Variants in QNG1 observed in about 807,000 individuals in gnomAD.
QNG1 encodes the protein Q-nucleotide N-glycosylase 1.
the QNG1 span, chr9:83,944,708 T>C: frequency 2.9e-6 from 3 of 1,039,076 alleles, no homozygotes; most frequent in South Asian, 4.5e-5. Flanking sequence ...ACTTTTTTTT[T>C]AAAGCAAAGG....
At chr9:83,940,917 C>T in the QNG1 span, among the ~76,000 whole-genome samples, 1 of 152,178 alleles carries the variant, frequency 6.6e-6, no homozygotes, top group East Asian at 1.9e-4. Context: ...AGTGATTAAC[C>T]AGGTTCCTCC....
chr9:83,950,995 C>T, the QNG1 span, among the ~76,000 whole-genome samples: 28 of 152,140 alleles, frequency 1.8e-4, no homozygotes, highest in Admixed American at 1.8e-3. Context: ...AGGCCAAGTG[C>T]GGTAGCTCAT....
chr9:83,956,161 A>G, the QNG1 span: 2 of 1,608,450 alleles, frequency 1.2e-6, no homozygotes, highest in Middle Eastern at 1.6e-4. Context: ...GTATGGCACC[A>G]ACCTTCGTCG....
chr9:83,951,137 G>A, the QNG1 span, among the ~76,000 whole-genome samples: 1 of 152,064 alleles, frequency 6.6e-6, no homozygotes, highest in African/African-American at 2.4e-5. Flanking sequence ...CAGGCATGAT[G>A]GCGGGTGCCT....
At chr9:83,953,704 C>A in the QNG1 span, 1 of 883,828 alleles carries the variant, frequency 1.1e-6, no homozygotes, top group South Asian at 1.5e-5. Context: ...GTCACCCAGG[C>A]TGGAGTGCGG....
chr9:83,951,262 CA>C, the QNG1 span, among the ~76,000 whole-genome samples: 1 of 149,394 alleles, frequency 6.7e-6, no homozygotes, highest in East Asian at 2.0e-4. Context: ...TCTCAAAAAA[CA>C]AAAAACAAAA....
the QNG1 span, among the ~76,000 whole-genome samples, chr9:83,945,276 T>A: frequency 6.6e-6 from 1 of 151,202 alleles, no homozygotes; most frequent in Non-Finnish European, 1.5e-5. Context: ...GTGGCACACA[T>A]CTATGGTCCC....
At chr9:83,949,322 TTTCTAGTTCAA>T in the QNG1 span, among the ~76,000 whole-genome samples, 5 of 152,262 alleles carry the variant, frequency 3.3e-5, no homozygotes, top group East Asian at 9.6e-4. Context: ...GGCAACCAGG[TTTCTAGTTCAA>T]GTCTAGTTTA....
At chr9:83,948,641 G>T in the QNG1 span, among the ~76,000 whole-genome samples, 1 of 152,176 alleles carries the variant, frequency 6.6e-6, no homozygotes, top group Non-Finnish European at 1.5e-5. Flanking sequence ...TGGCGGTTTT[G>T]TCGAATAGAA....
At chr9:83,956,613 C>T in the QNG1 span, 1 of 864,418 alleles carries the variant, frequency 1.2e-6, no homozygotes, top group Non-Finnish European at 1.7e-6. Flanking sequence ...AACAAGGTCC[C>T]GCCCTGCCAG....
chr9:83,941,666 A>G, the QNG1 span, among the ~76,000 whole-genome samples: 2 of 152,180 alleles, frequency 1.3e-5, no homozygotes, highest in Admixed American at 1.3e-4. Context: ...TAATCTCAGC[A>G]CTTTGGGAGG....
the QNG1 span, among the ~76,000 whole-genome samples, chr9:83,945,740 T>TAC: frequency 1.3e-5 from 2 of 151,918 alleles, no homozygotes; most frequent in African/African-American, 4.8e-5. Flanking sequence ...TAGCTGGGAC[T>TAC]ACGGGCGCCG....
the QNG1 span, among the ~76,000 whole-genome samples, chr9:83,953,095 CCT>C: frequency 6.6e-6 from 1 of 151,596 alleles, no homozygotes; most frequent in Admixed American, 6.6e-5. Flanking sequence ...ATGGTGAAAC[CCT>C]GTTTCTACTA....
At chr9:83,946,086 C>T in the QNG1 span, among the ~76,000 whole-genome samples, 4 of 151,986 alleles carry the variant, frequency 2.6e-5, no homozygotes, top group East Asian at 7.8e-4. Context: ...ACAGGAGGAT[C>T]ACGAGGTCAG....
At chr9:83,956,579 C>G in the QNG1 span, 1 of 1,240,350 alleles carries the variant, frequency 8.1e-7, no homozygotes, top group Non-Finnish European at 1.1e-6. Flanking sequence ...TGCGCTACTA[C>G]GAACCGCGCG....
chr9:83,951,017 C>T, the QNG1 span, among the ~76,000 whole-genome samples: 1 of 152,128 alleles, frequency 6.6e-6, no homozygotes, highest in Non-Finnish European at 1.5e-5. Flanking sequence ...CCTGTAATCC[C>T]AGCACTTTGG....
the QNG1 span, among the ~76,000 whole-genome samples, chr9:83,944,297 A>G: frequency 1.3e-5 from 2 of 152,228 alleles, no homozygotes; most frequent in African/African-American, 4.8e-5. Flanking sequence ...CTAAGCTTAT[A>G]TATCATAAGG....
the QNG1 span, among the ~76,000 whole-genome samples, chr9:83,948,465 G>A: frequency 1.3e-5 from 2 of 148,554 alleles, no homozygotes; most frequent in African/African-American, 5.0e-5. Context: ...CGCCCCGTCG[G>A]GGAGGGAGGT....
the QNG1 span, among the ~76,000 whole-genome samples, chr9:83,943,250 G>C: frequency 1.4e-5 from 2 of 145,138 alleles, no homozygotes; most frequent in Admixed American, 1.5e-4. Context: ...CGAGGCAGGA[G>C]AATGGCTTGA....
Sources: gnomAD v4.1 joint callset for allele counts (sites outside exome capture counted in the v4.1 genomes callset) on GRCh38, gnomAD v4.1.1 for gene constraint, MANE v1.5 for transcripts, NCBI Gene and HGNC (gene_info 2026-07-23, HGNC 2026-07-21) for gene names.